Variants in SCML2 observed in about 807,000 individuals in gnomAD.
The protein encoded by SCML2 is sex comb on midleg-like protein 2.
SCML2 carries 6 observed loss-of-function variants against 48.4 expected under a neutral mutation model. That is an observed-to-expected ratio of 0.12 (90% CI 0.07 to 0.24). The LOEUF is 0.24. Ranked by LOEUF, SCML2 falls within the 10% of genes least tolerant of loss-of-function variation. SCML2 has a pLI of 1.00. For synonymous variants in SCML2, 181 were observed against 189.5 expected (o/e 0.95, Z 0.37); for missense variants, 377 against 528.2 (o/e 0.71, Z 2.81).
chrX:18,321,598 GAA>G (rs776249974), intron 5 of SCML2, among the ~76,000 whole-genome samples: 431 of 40,594 alleles, frequency 0.011, 1 homozygote, highest in African/African-American at 0.035. Context: ...CACAATTGTT[GAA>G]AAAAAAAAAA....
At chrX:18,276,348 C>T (rs1488552810) in intron 7 of SCML2, among the ~76,000 whole-genome samples, 1 of 109,224 alleles carries the variant, frequency 9.2e-6, no homozygotes, top group African/African-American at 3.3e-5. Flanking sequence ...AATTAAATTA[C>T]CATATGAGCT....
At chrX:18,283,406 T>C (rs1485780793) in intron 7 of SCML2, among the ~76,000 whole-genome samples, 4 of 111,750 alleles carry the variant, frequency 3.6e-5, no homozygotes, top group African/African-American at 1.3e-4. Flanking sequence ...GGATGCCCAC[T>C]CTCACCACTT....
intron 10 of SCML2, among the ~76,000 whole-genome samples, chrX:18,257,337 A>G (rs776727842): frequency 4.5e-5 from 5 of 111,566 alleles, no homozygotes; most frequent in African/African-American, 6.5e-5. Context: ...GATCATAGCC[A>G]CCAACACTAT....
At chrX:18,296,095 T>A (rs1361810422) in intron 7 of SCML2, among the ~76,000 whole-genome samples, 1 of 111,486 alleles carries the variant, frequency 9.0e-6, no homozygotes, top group Non-Finnish European at 1.9e-5. Flanking sequence ...AGGAACACGA[T>A]AATTTTCCAG....
chrX:18,343,692 C>T (rs1352749844), intron 1 of SCML2, among the ~76,000 whole-genome samples: 1 of 97,505 alleles, frequency 1.0e-5, no homozygotes, highest in Non-Finnish European at 2.0e-5. Context: ...ACCCGGGAGG[C>T]GGAGGTTGCA....
intron 8 of SCML2, among the ~76,000 whole-genome samples, chrX:18,261,386 T>C (rs1484510917): frequency 9.1e-6 from 1 of 109,327 alleles, no homozygotes; most frequent in East Asian, 2.8e-4. Flanking sequence ...TCTGAATCCT[T>C]TGTCTTGAGA....
intron 13 of SCML2, among the ~76,000 whole-genome samples, chrX:18,245,511 A>T (rs1293148792): frequency 1.8e-5 from 2 of 112,342 alleles, no homozygotes; most frequent in Non-Finnish European, 3.8e-5. Flanking sequence ...GGGGCTGACA[A>T]CATTAAATGT....
intron 1 of SCML2, among the ~76,000 whole-genome samples, chrX:18,345,201 CT>C (rs1183955190): frequency 1.8e-5 from 2 of 111,001 alleles, no homozygotes; most frequent in Non-Finnish European, 3.8e-5. Context: ...GTGTAAGTGC[CT>C]TTTCTCCCGT....
chrX:18,256,160 C>T (rs966971672), intron 11 of SCML2, among the ~76,000 whole-genome samples: 4 of 111,464 alleles, frequency 3.6e-5, no homozygotes, highest in African/African-American at 9.8e-5. Context: ...CAAATTCAAG[C>T]ATATCACAGG....
intron 13 of SCML2, among the ~76,000 whole-genome samples, chrX:18,243,788 T>C (rs1050348248): frequency 2.6e-4 from 29 of 112,123 alleles, no homozygotes; most frequent in African/African-American, 9.1e-4. Flanking sequence ...CAAGTATTCA[T>C]TTACTCAACC....
At chrX:18,257,977 AG>A (rs1200205313) in intron 10 of SCML2, 66 bp downstream of exon 10, 9 of 505,726 alleles carry the variant, frequency 1.8e-5, no homozygotes, top group Non-Finnish European at 2.8e-5. Flanking sequence ...GGGGAAGGGA[AG>A]GGGGAAGGGA....
intron 1 of SCML2, among the ~76,000 whole-genome samples, chrX:18,350,626 T>C (rs1040520274): frequency 2.7e-4 from 29 of 106,104 alleles, no homozygotes; most frequent in Non-Finnish European, 5.0e-4. Flanking sequence ...ATGCCTGTAG[T>C]CCCAGCAACT....
At chrX:18,282,133 A>G (rs909561009) in intron 7 of SCML2, among the ~76,000 whole-genome samples, 6 of 111,342 alleles carry the variant, frequency 5.4e-5, no homozygotes, top group African/African-American at 2.0e-4. Flanking sequence ...CAAAAAAAAC[A>G]AAAACAAAAC....
chrX:18,334,666 CATGTCCTCAAT>C (rs1929754447), intron 1 of SCML2, among the ~76,000 whole-genome samples: 1 of 111,588 alleles, frequency 9.0e-6, no homozygotes, highest in Non-Finnish European at 1.9e-5. Flanking sequence ...ACTTTTCCTG[CATGTCCTCAAT>C]ATGCCAGACA....
At chrX:18,278,822 C>T (rs1417015344) in intron 7 of SCML2, among the ~76,000 whole-genome samples, 1 of 113,001 alleles carries the variant, frequency 8.8e-6, no homozygotes, top group Non-Finnish European at 1.9e-5. Flanking sequence ...AGTTCCTCCA[C>T]GGCTGCAGCC....
Position 18,252,454 on chromosome X carries a change from T to C in SCML2, c.1456+4394A>G, listed in dbSNP as rs1241584263. 3.6e-5 allele frequency among the ~76,000 whole-genome samples: 4 copies of C among 112,176 alleles called. No individual in the cohort carries two copies. In the East Asian group the frequency reaches 8.4e-4, roughly 24 times the overall value. On this transcript the variant is annotated intron_variant, in intron 11 of 14. Transcript: ENST00000251900. ...AGGGGGAAAAGACATTGAGGGATGATAGTTAATAGGTATGGGATTTCTATT... is the reference window on the plus strand; with the variant it reads ...AGGGGGAAAAGACATTGAGGGATGACAGTTAATAGGTATGGGATTTCTATT...
At chrX:18,308,354 A>T (rs1928833794) in intron 6 of SCML2, among the ~76,000 whole-genome samples, 1 of 75,195 alleles carries the variant, frequency 1.3e-5, no homozygotes, top group African/African-American at 4.9e-5. Context: ...GGAGGAAAGG[A>T]CAGGGAGGGA....
At chrX:18,251,138 C>T (rs1165931932) in intron 11 of SCML2, among the ~76,000 whole-genome samples, 2 of 107,712 alleles carry the variant, frequency 1.9e-5, no homozygotes, top group African/African-American at 3.4e-5. Context: ...ACCATGCCAC[C>T]TCATCTCTAC....
At chrX:18,327,742 GT>G (rs1323880836) in intron 3 of SCML2, among the ~76,000 whole-genome samples, 1 of 111,500 alleles carries the variant, frequency 9.0e-6, no homozygotes, top group South Asian at 3.7e-4. Flanking sequence ...GTTGGTTTTT[GT>G]TTGTTTTCTT....
Sources: allele counts gnomAD v4.1 joint callset (sites outside exome capture counted in the v4.1 genomes callset), GRCh38; gene constraint gnomAD v4.1.1; transcripts MANE v1.5; gene names NCBI Gene and HGNC (gene_info 2026-07-23, HGNC 2026-07-21).